PDIA5: variants seen among roughly 807,000 people sequenced by gnomAD.
The protein encoded by PDIA5 is protein disulfide isomerase family A member 5, also known as protein disulfide-isomerase A5.
Under a neutral mutation model 77.6 loss-of-function variants are expected in PDIA5, and 58 were observed. The observed-to-expected ratio is 0.75, with a 90% CI of 0.61 to 0.93. The LOEUF (loss-of-function observed/expected upper bound fraction) is 0.93, where lower values mean the gene tolerates loss of function less well. Among genes scored for constraint, PDIA5 ranks in the 40% least tolerant of loss-of-function variants. The pLI is 0.00. For synonymous variants in PDIA5, 250 were observed against 252.1 expected (o/e 0.99, Z 0.08); for missense variants, 630 against 647.7 (o/e 0.97, Z 0.30).
chr3:123,116,291 G>T lies in PDIA5; in HGVS notation c.602G>T (p.Gly201Val). Residue 201 changes from glycine (G) to valine (V), a missense_variant, in exon 8 of 17, where the codon GGC becomes GTC. By Grantham distance (109) the Gly-to-Val change is moderately radical. Coordinates refer to ENST00000316218, the MANE Select transcript of PDIA5 (RefSeq NM_006810.4). ...CAGAAGGCTGCGACTCAGCTGCGAG[G>T]CCACGCCGTAAGTGAGGCGCCATTG... ...HFQKAATQLR[G>V]HAVLAGMNVY... 1 of 1,613,136 alleles carries T rather than the reference G, an allele frequency of 6.2e-7. No individual in the cohort carries two copies.
At chr3:123,079,175 C>CTTTTTTTTTT (rs35252405) in intron 1 of PDIA5, among the ~76,000 whole-genome samples, 8 of 94,080 alleles carry the variant, frequency 8.5e-5, no homozygotes, top group Admixed American at 1.5e-4. Flanking sequence ...ATTTTGAATT[C>CTTTTTTTTTT]TTTTTTTTTT....
chr3:123,115,417 G>A (rs2107946793), intron 7 of PDIA5, among the ~76,000 whole-genome samples: 1 of 152,280 alleles, frequency 6.6e-6, no homozygotes, highest in East Asian at 1.9e-4. Context: ...TCAAGGCTGT[G>A]GGTCTTCACC....
chr3:123,150,937 C>T (rs780617015), intron 14 of PDIA5, among the ~76,000 whole-genome samples: 6 of 152,238 alleles, frequency 3.9e-5, no homozygotes, highest in Non-Finnish European at 7.3e-5. Context: ...TTAATTGATA[C>T]TTACAATGAA....
intron 7 of PDIA5, among the ~76,000 whole-genome samples, chr3:123,113,787 T>A (rs1934926697): frequency 6.6e-6 from 1 of 152,204 alleles, no homozygotes; most frequent in Non-Finnish European, 1.5e-5. Flanking sequence ...TGAGAACCTT[T>A]GGTGGTGACA....
At chr3:123,135,745 C>CT (rs766560888) in intron 11 of PDIA5, among the ~76,000 whole-genome samples, 53,544 of 80,286 alleles carry the variant, frequency 0.67, 18,168 homozygotes, top group East Asian at 0.85. Flanking sequence ...GAGGTAACAA[C>CT]TTTTTTTTTT....
At chr3:123,087,548 C>G (rs116649301) in intron 1 of PDIA5, among the ~76,000 whole-genome samples, 3,991 of 151,538 alleles carry the variant, frequency 0.026, 167 homozygotes, top group African/African-American at 0.087. Flanking sequence ...TCACGATTCT[C>G]TGAGTATTTA....
chr3:123,159,520 G>T (rs994887426), intron 15 of PDIA5, among the ~76,000 whole-genome samples: 1 of 152,232 alleles, frequency 6.6e-6, no homozygotes, highest in Non-Finnish European at 1.5e-5. Context: ...AGACTGCAGG[G>T]TAAGTGCCAT....
intron 2 of PDIA5, among the ~76,000 whole-genome samples, chr3:123,092,006 AG>A (rs1159405711): frequency 6.6e-6 from 1 of 152,262 alleles, no homozygotes; most frequent in African/African-American, 2.4e-5. Flanking sequence ...AATGTATCCC[AG>A]AAAGACATGA....
At chr3:123,161,592 GC>G (rs1279633603) in intron 16 of PDIA5, 137 bp downstream of exon 16, 2 of 965,754 alleles carry the variant, frequency 2.1e-6, no homozygotes, top group East Asian at 4.9e-5. Context: ...AGAGGCCCAG[GC>G]CCTGGGCCTG....
chr3:123,089,347 A>G, intron 2 of PDIA5, 53 bp downstream of exon 2: 1 of 1,584,828 alleles, frequency 6.3e-7, no homozygotes, highest in Non-Finnish European at 8.6e-7. Context: ...GATGGGATTC[A>G]GGGGAAGGAG....
chr3:123,123,940 A>G, intron 8 of PDIA5, 126 bp from the exon 9 acceptor site: 1 of 673,660 alleles, frequency 1.5e-6, no homozygotes, highest in Admixed American at 2.3e-5. Context: ...GCCCTGATGC[A>G]CATCAGTCTG....
At chr3:123,160,889 G>A (rs1304785101) in intron 15 of PDIA5, among the ~76,000 whole-genome samples, 1 of 152,178 alleles carries the variant, frequency 6.6e-6, no homozygotes, top group Non-Finnish European at 1.5e-5. Flanking sequence ...TGCACTTGGG[G>A]AACTTGACTT....
chr3:123,093,275 G>T (rs1440070165), intron 3 of PDIA5, among the ~76,000 whole-genome samples: 1 of 152,096 alleles, frequency 6.6e-6, no homozygotes, highest in African/African-American at 2.4e-5. Flanking sequence ...GTGTGTGTGT[G>T]TGTGTGGCCT....
At chr3:123,160,750 C>T (rs1936140220) in intron 15 of PDIA5, among the ~76,000 whole-genome samples, 1 of 152,204 alleles carries the variant, frequency 6.6e-6, no homozygotes, top group Admixed American at 6.5e-5. Flanking sequence ...CTGGAATTCT[C>T]TTATTCAGTC....
intron 13 of PDIA5, 98 bp from the exon 14 acceptor site, chr3:123,150,136 A>C: frequency 1.2e-6 from 1 of 806,354 alleles, no homozygotes; most frequent in Admixed American, 2.2e-5. Context: ...TTCTTCATGC[A>C]TGTTCCCCCG....
chr3:123,098,245 T>C (rs1934492278), intron 3 of PDIA5, among the ~76,000 whole-genome samples: 1 of 152,202 alleles, frequency 6.6e-6, no homozygotes. Context: ...AGGTCGCTAA[T>C]GGCAGAGCCA....
intron 11 of PDIA5, among the ~76,000 whole-genome samples, chr3:123,141,600 A>G (rs1177277106): frequency 2.0e-5 from 3 of 152,212 alleles, no homozygotes; most frequent in African/African-American, 7.2e-5. Flanking sequence ...TCAGCCTGAA[A>G]GCAGGAGAGT....
At chr3:123,140,650 G>A (rs186930904) in intron 11 of PDIA5, among the ~76,000 whole-genome samples, 4 of 152,230 alleles carry the variant, frequency 2.6e-5, no homozygotes, top group African/African-American at 7.2e-5. Flanking sequence ...GATGGCCCTG[G>A]GGGATTTGTC....
chr3:123,108,385 A>G (rs1934786382), intron 6 of PDIA5, among the ~76,000 whole-genome samples: 1 of 148,260 alleles, frequency 6.7e-6, no homozygotes, highest in Non-Finnish European at 1.5e-5. Context: ...GGTTCAAGCG[A>G]TTCTCGTACC....
Sources: gnomAD v4.1 joint callset for allele counts (sites outside exome capture counted in the v4.1 genomes callset) on GRCh38, gnomAD v4.1.1 for gene constraint, MANE v1.5 for transcripts, NCBI Gene and HGNC (gene_info 2026-07-23, HGNC 2026-07-21) for gene names.